Variants in AGO3 observed in about 807,000 individuals in gnomAD.
AGO3 encodes the protein argonaute RISC catalytic component 3.
A neutral mutation model predicts 105.5 loss-of-function variants in AGO3; 16 were observed. The ratio of observed to expected loss-of-function variants is 0.15; its 90% CI spans 0.10 to 0.23. AGO3 has a LOEUF of 0.23. AGO3 is among the 10% of genes least tolerant of loss of function. The pLI is 1.00. For missense variants in AGO3, 534 were observed against 1,088.0 expected (o/e 0.49, Z 7.16); for synonymous variants, 340 against 367.3 (o/e 0.93, Z 0.85).
chr1:35,973,858 G>GTGAC (rs902357341), intron 5 of AGO3, among the ~76,000 whole-genome samples: 2 of 152,134 alleles, frequency 1.3e-5, no homozygotes, highest in African/African-American at 4.8e-5. Context: ...GTTGGGCATG[G>GTGAC]TGACCCCCAG....
intron 2 of AGO3, among the ~76,000 whole-genome samples, chr1:35,966,714 T>C (rs1646781526): frequency 6.6e-6 from 1 of 152,230 alleles, no homozygotes; most frequent in South Asian, 2.1e-4. Flanking sequence ...AGATGTATCC[T>C]GGAATGATTA....
At chr1:35,990,388 G>A (rs1279039563) in intron 5 of AGO3, among the ~76,000 whole-genome samples, 1 of 152,038 alleles carries the variant, frequency 6.6e-6, no homozygotes, top group Non-Finnish European at 1.5e-5. Context: ...GGCACCTGTA[G>A]TCCCAGCTAC....
chr1:35,949,593 T>C (rs1351447918), intron 2 of AGO3, among the ~76,000 whole-genome samples: 1 of 152,212 alleles, frequency 6.6e-6, no homozygotes, highest in Non-Finnish European at 1.5e-5. Context: ...ATTTAACTTA[T>C]TCAAAATATT....
chr1:35,981,057 G>A (rs1274994068), intron 5 of AGO3, among the ~76,000 whole-genome samples: 1 of 152,048 alleles, frequency 6.6e-6, no homozygotes, highest in Non-Finnish European at 1.5e-5. Context: ...TGACTGGTTA[G>A]TTGCTCCTTG....
At chr1:35,937,980 C>CTTTT (rs1252491042) in intron 1 of AGO3, among the ~76,000 whole-genome samples, 2 of 133,230 alleles carry the variant, frequency 1.5e-5, no homozygotes, top group African/African-American at 2.8e-5. Flanking sequence ...AAAATGTATT[C>CTTTT]TTTTTTTTTT....
At position 36,016,749 on chromosome 1, in the gene AGO3, G is replaced by A. The variant is rs563352239; in HGVS notation, c.1406+2701G>A. Among the ~76,000 whole-genome samples, 83 of 152,166 alleles carry A rather than the reference G, an allele frequency of 5.5e-4. 2 individuals carry two copies. The South Asian group carries it at 0.016, about 29-fold the overall frequency. On this transcript the variant is annotated intron_variant, in intron 11 of 18. Coordinates refer to ENST00000373191, the MANE Select transcript of AGO3 (RefSeq NM_024852.4). Reference sequence around the variant, plus strand: ...TTTTTCCTAAGGGTAAGAGTAGAGGGGACCTCCTTGTGCTGAAATTTCCTG... The same window carrying A: ...TTTTTCCTAAGGGTAAGAGTAGAGGAGACCTCCTTGTGCTGAAATTTCCTG...
At chr1:35,948,694 G>GTATCT (rs1553160521) in intron 2 of AGO3, among the ~76,000 whole-genome samples, 1 of 152,110 alleles carries the variant, frequency 6.6e-6, no homozygotes, top group Non-Finnish European at 1.5e-5. Context: ...TATGCTCAAT[G>GTATCT]TATTAAGTTT....
chr1:36,052,693 G>T (rs897897095), intron 17 of AGO3, among the ~76,000 whole-genome samples: 1 of 151,976 alleles, frequency 6.6e-6, no homozygotes, highest in Non-Finnish European at 1.5e-5. Flanking sequence ...AATAACAAAA[G>T]CCAAAAAAAG....
intron 2 of AGO3, among the ~76,000 whole-genome samples, chr1:35,957,960 G>A (rs1646601953): frequency 6.6e-6 from 1 of 152,162 alleles, no homozygotes; most frequent in South Asian, 2.1e-4. Context: ...TAGCTACTCA[G>A]GAGGCTGAGG....
In AGO3 at chr1:36,069,285, T is replaced by C. The variant is rs1215214356; in HGVS notation, c.*13540T>C. On this transcript the variant is annotated 3_prime_UTR_variant, in exon 19 of 19. Coordinates refer to ENST00000373191, the MANE Select transcript of AGO3 (RefSeq NM_024852.4). ...CACCCAGCTAATTATTTTCTTTTAT[T>C]GCAGAGATGGGGTCTCACATGTTGC... The C allele has an allele frequency of 6.6e-6, 1 of 152,196 alleles. No individual in the cohort carries two copies. The highest frequency in any genetic ancestry group is 1.5e-5 in the Non-Finnish European group (1 of 68,066). 9.4% of individuals were successfully genotyped at this position (152,196 alleles called of 1,614,324 possible).
At chr1:35,989,429 C>T (rs1647409717) in intron 5 of AGO3, among the ~76,000 whole-genome samples, 3 of 152,148 alleles carry the variant, frequency 2.0e-5, no homozygotes, top group Admixed American at 2.0e-4. Context: ...GTTCAGTTGG[C>T]AGGTTTCTTT....
chr1:35,974,107 A>G (rs541958513), intron 5 of AGO3, among the ~76,000 whole-genome samples: 8 of 152,094 alleles, frequency 5.3e-5, no homozygotes, highest in African/African-American at 7.2e-5. Flanking sequence ...TTTTATCCCT[A>G]TTACTTCAAT....
intron 2 of AGO3, 58 bp downstream of exon 2, chr1:35,945,921 T>C: frequency 1.3e-6 from 2 of 1,499,682 alleles, no homozygotes; most frequent in Non-Finnish European, 9.1e-7. Context: ...TAATTATCCA[T>C]GTTTATTTTG....
intron 11 of AGO3, among the ~76,000 whole-genome samples, chr1:36,023,388 C>T (rs1016371409): frequency 2.0e-5 from 3 of 152,186 alleles, no homozygotes; most frequent in Admixed American, 1.3e-4. Flanking sequence ...AAAAACTAGA[C>T]AAATTAAATT....
Position 36,008,556 on chromosome 1 carries a change from TATA to T in AGO3, c.794-133_794-131del. 4 of 754,178 alleles carry T rather than the reference TATA, an allele frequency of 5.3e-6. No homozygotes were observed. Among genetic ancestry groups the T allele is most frequent in the Non-Finnish European group, 8.5e-6 (4 of 469,984 alleles). 46.7% of individuals were successfully genotyped at this position (754,178 alleles called of 1,614,324 possible). ...AATGTTATATGTAAAATCTGGTGTT[TATA>T]TCATCTTGCCTGTATCACAGAATTT... On this transcript the variant is annotated intron_variant, in intron 6 of 18. Transcript: ENST00000373191. The surrounding 1 kb of genome is among the most constrained non-coding windows in gnomAD (Gnocchi z 5.1).
intron 5 of AGO3, among the ~76,000 whole-genome samples, chr1:35,975,869 A>T (rs1331756062): frequency 3.3e-5 from 5 of 151,326 alleles, no homozygotes; most frequent in African/African-American, 1.2e-4. Flanking sequence ...TTTGTTTAAG[A>T]TTACTTTCAT....
chr1:36,026,309 T>C (rs1238021503), intron 11 of AGO3, among the ~76,000 whole-genome samples: 1 of 152,030 alleles, frequency 6.6e-6, no homozygotes, highest in East Asian at 1.9e-4. Flanking sequence ...GTTTTCGCCA[T>C]GTTGGCCAAG....
rs1643137454 is a variant in AGO3 at position 36,069,757 on chromosome 1, A to G, written c.*14012A>G. 1 of 152,204 alleles carries G rather than the reference A, an allele frequency of 6.6e-6. No individual in the cohort carries two copies. The highest frequency in any genetic ancestry group is 2.4e-5 in the African/African-American group (1 of 41,448). The allele number at this position is 152,204 out of a possible 1,614,324, so 9.4% of individuals were successfully genotyped here. On this transcript the variant is annotated 3_prime_UTR_variant, in exon 19 of 19. Transcript: ENST00000373191. Reference sequence around the variant, plus strand: ...GAGTTAGATTAATGTGGTGAAAACCATCAAATACTTAGAAATTGACTGGGT... The same window carrying G: ...GAGTTAGATTAATGTGGTGAAAACCGTCAAATACTTAGAAATTGACTGGGT...
At position 36,070,577 on chromosome 1, in the gene AGO3, G is replaced by T. The variant is rs1020180177; in HGVS notation, c.*14832G>T. ...AAAAAGAAAAAAGGATGCATTTTAG[G>T]TACACAGGGTATGGACGCATTCAAC... On this transcript the variant is annotated 3_prime_UTR_variant, in exon 19 of 19. Transcript: ENST00000373191. The T allele has an allele frequency of 5.9e-5, 9 of 152,132 alleles. No homozygotes were observed. Among genetic ancestry groups the T allele is most frequent in the African/African-American group, 2.2e-4 (9 of 41,406 alleles). The allele number at this position is 152,132 out of a possible 1,614,324, so 9.4% of individuals were successfully genotyped here. A position where few individuals can be genotyped will look rare whatever the true frequency, so the allele number is the denominator to read the frequency against.
Sources: allele counts gnomAD v4.1 joint callset (sites outside exome capture counted in the v4.1 genomes callset), GRCh38; gene constraint gnomAD v4.1.1; non-coding constraint Gnocchi (gnomAD v3.1); transcripts MANE v1.5; gene names NCBI Gene and HGNC (gene_info 2026-07-23, HGNC 2026-07-21).